Variants in AATK observed in about 807,000 individuals in gnomAD.
AATK encodes serine/threonine-protein kinase LMTK1.
In AATK, 91 loss-of-function variants were observed where a neutral mutation model predicts 114.3. The ratio of observed to expected loss-of-function variants is 0.80; its 90% CI spans 0.67 to 0.95. The LOEUF (loss-of-function observed/expected upper bound fraction) is 0.95. AATK is among the 40% of genes least tolerant of loss of function. The probability of loss-of-function intolerance (pLI) is 0.00; values close to 1 mark genes in which losing one functional copy is unlikely to be tolerated. For synonymous variants in AATK, 1,075 were observed against 916.5 expected (o/e 1.17, Z -3.12); for missense variants, 2,176 against 1,965.2 (o/e 1.11, Z -2.03).
At chr17:81,127,008 C>T (rs2060841903) in intron 6 of AATK, among the ~76,000 whole-genome samples, 1 of 150,010 alleles carries the variant, frequency 6.7e-6, no homozygotes, top group South Asian at 2.1e-4. Context: ...CCAGCCCAGC[C>T]ACAGACAGCC....
chr17:81,143,587 C>T (rs1214752866), intron 1 of AATK, among the ~76,000 whole-genome samples: 7 of 152,058 alleles, frequency 4.6e-5, no homozygotes, highest in African/African-American at 1.4e-4. Flanking sequence ...CCCCGCCTCC[C>T]GTGGCCACAC....
At chr17:81,165,577 T>A (rs1217700207) in intron 1 of AATK, 1 of 1,277,970 alleles carries the variant, frequency 7.8e-7, no homozygotes, top group Admixed American at 2.2e-5. Context: ...ATGGAAAGCC[T>A]GAACCCCAGC....
At chr17:81,144,894 C>T (rs1388456934) in intron 1 of AATK, among the ~76,000 whole-genome samples, 1 of 152,188 alleles carries the variant, frequency 6.6e-6, no homozygotes, top group Non-Finnish European at 1.5e-5. Context: ...ACAAACCCAC[C>T]AAAATCTGGG....
At chr17:81,132,460 G>A (rs1485550244) in intron 2 of AATK, among the ~76,000 whole-genome samples, 1 of 152,232 alleles carries the variant, frequency 6.6e-6, no homozygotes, top group Non-Finnish European at 1.5e-5. Context: ...GGAGCACACA[G>A]CCACTCAGGG....
At chr17:81,140,833 C>T (rs1368705808) in intron 1 of AATK, among the ~76,000 whole-genome samples, 1 of 61,786 alleles carries the variant, frequency 1.6e-5, no homozygotes, top group African/African-American at 7.3e-5. Context: ...GCCGGGAGAC[C>T]GTGGGGCCGT....
At chr17:81,140,758 GAGCCGT>G (rs2061115918) in intron 1 of AATK, among the ~76,000 whole-genome samples, 2 of 105,960 alleles carry the variant, frequency 1.9e-5, no homozygotes, top group Non-Finnish European at 4.1e-5. Flanking sequence ...GTGGGGCCGT[GAGCCGT>G]GGGGCTGTGG....
chr17:81,128,798 G>A lies in AATK; in HGVS notation c.335-249C>T, dbSNP rs113895723. The A allele has an allele frequency of 8.4e-3, 10,841 of 1,297,056 alleles. 87 individuals are homozygous for A. The highest frequency in any genetic ancestry group is 0.035 in the South Asian group (2,231 of 62,966). 80.3% of individuals were successfully genotyped at this position (1,297,056 alleles called of 1,614,324 possible). On this transcript the variant is annotated intron_variant, in intron 3 of 13. Coordinates refer to ENST00000326724, the MANE Select transcript of AATK (RefSeq NM_001080395.3). ...ATCTTTCTGGGTAGGTCTGGAGAAGGTGCCTGAAGCCACTGGGATAGCCCG... is the reference window on the plus strand; with the variant it reads ...ATCTTTCTGGGTAGGTCTGGAGAAGATGCCTGAAGCCACTGGGATAGCCCG...
Position 81,119,987 on chromosome 17 carries a change from TGGG to T in AATK, c.3829_3831del (p.Pro1277del), listed in dbSNP as rs1483413962. 1 of 1,446,262 alleles carries T rather than the reference TGGG, an allele frequency of 6.9e-7. No homozygotes were observed. Among genetic ancestry groups the T allele is most frequent in the Non-Finnish European group, 9.1e-7 (1 of 1,099,286 alleles). 89.6% of individuals were successfully genotyped at this position (1,446,262 alleles called of 1,614,324 possible). A position where few individuals can be genotyped will look rare whatever the true frequency, so the allele number is the denominator to read the frequency against. ...GAGCCATCAGCCTGCTGCGGCCGGT[TGGG>T]GGCGCTGGGAGAGCCGGGGCTCCCC... On this transcript the variant is annotated inframe_deletion, in exon 12 of 14. Transcript: ENST00000326724.
intron 1 of AATK, among the ~76,000 whole-genome samples, chr17:81,138,435 A>G (rs2061059139): frequency 8.0e-6 from 1 of 124,300 alleles, no homozygotes; most frequent in African/African-American, 3.1e-5. Flanking sequence ...ACACATGCAA[A>G]CACACCCACA....
At chr17:81,137,454 C>T (rs996102838) in intron 1 of AATK, among the ~76,000 whole-genome samples, 3 of 152,030 alleles carry the variant, frequency 2.0e-5, no homozygotes, top group Admixed American at 1.3e-4. Context: ...GGCCCACCTG[C>T]TCTCGGCCAC....
chr17:81,121,280 C>A lies in AATK; in HGVS notation c.2656G>T (p.Val886Leu). 6.2e-7 allele frequency: 1 copy of A among 1,611,392 alleles called. No homozygotes were observed. The change falls in exon 11 of 14, where the codon GTG (valine) becomes TTG (leucine). Residue 886 changes from valine (V) to leucine (L), a missense_variant. Transcript: ENST00000326724. ...TGCAGAGAGCGGAAGGCTGGCACCA[C>A]ATCCGGCCTCCTGGCCTGCAGGCCG... Reference protein sequence around the residue: ...SDGLQARRPDVVPAFRSLQKQ... With the variant: ...SDGLQARRPDLVPAFRSLQKQ...
Position 81,119,284 on chromosome 17 carries a change from G to C in AATK, c.4084+96C>G. ...AGCGGAGCGGAGCGGAGCCGGGGCT[G>C]GCCCGGCCCAGGACCTAGACGGAGG... On this transcript the variant is annotated intron_variant, in intron 13 of 13. Coordinates refer to ENST00000326724, the MANE Select transcript of AATK (RefSeq NM_001080395.3). 3.0e-6 allele frequency: 4 copies of C among 1,312,292 alleles called. No individual in the cohort carries two copies. In the South Asian group the frequency reaches 6.2e-5, roughly 20 times the overall value. 81.3% of individuals were successfully genotyped at this position (1,312,292 alleles called of 1,614,324 possible). A position where few individuals can be genotyped will look rare whatever the true frequency, so the allele number is the denominator to read the frequency against.
chr17:81,118,517 C>A, intron 13 of AATK, 75 bp from the exon 14 acceptor site: 1 of 1,505,180 alleles, frequency 6.6e-7, no homozygotes, highest in South Asian at 1.2e-5. Context: ...TCCCACCTGG[C>A]CTCCATCCCT....
At chr17:81,153,811 C>T (rs1431196081) in intron 1 of AATK, among the ~76,000 whole-genome samples, 1 of 152,204 alleles carries the variant, frequency 6.6e-6, no homozygotes, top group African/African-American at 2.4e-5. Flanking sequence ...CAGCTCACGC[C>T]TGTAATCCCA....
At chr17:81,159,352 G>A (rs745733739) in intron 1 of AATK, among the ~76,000 whole-genome samples, 20 of 152,198 alleles carry the variant, frequency 1.3e-4, no homozygotes, top group Admixed American at 3.3e-4. Context: ...GCGAGTGACC[G>A]GCCAGGTAGC....
chr17:81,135,288 T>G (rs2060993107), intron 1 of AATK, among the ~76,000 whole-genome samples: 1 of 152,174 alleles, frequency 6.6e-6, no homozygotes, highest in African/African-American at 2.4e-5. Flanking sequence ...GCTCGGTCCA[T>G]CTGCTGCCCA....
intron 1 of AATK, among the ~76,000 whole-genome samples, chr17:81,160,914 TC>T (rs1398013506): frequency 6.6e-6 from 1 of 152,014 alleles, no homozygotes; most frequent in Non-Finnish European, 1.5e-5. Context: ...ACCCTCTGCC[TC>T]CCCCGTGGAC....
rs752167516 is a variant in AATK, at chr17:81,127,643, C to T, written c.561G>A (p.Gln187=). The T allele has an allele frequency of 3.1e-6, 5 of 1,596,834 alleles. No homozygotes were observed. The change falls in exon 6 of 14, where the codon CAG becomes CAA. Residue 187 remains glutamine, a synonymous_variant. Coordinates refer to ENST00000326724, the MANE Select transcript of AATK (RefSeq NM_001080395.3). ...TCACCTCGGCGCACTGGGCCAGGCA[C>T]TGGAGCAGGTTGCTGTGCTTCAGGG... is the stretch of plus-strand genomic sequence containing the variant. ...YRALKHSNLL[Q]CLAQCAEVTP... is the part of the protein sequence containing the mutation.
chr17:81,146,058 G>A (rs59763245), intron 1 of AATK, among the ~76,000 whole-genome samples: 11,448 of 150,690 alleles, frequency 0.076, 508 homozygotes, highest in Middle Eastern at 0.1. Context: ...GCGTGGTGGC[G>A]GACACCTGTA....
Sources: allele counts gnomAD v4.1 joint callset (sites outside exome capture counted in the v4.1 genomes callset), GRCh38; gene constraint gnomAD v4.1.1; transcripts MANE v1.5; gene names NCBI Gene and HGNC (gene_info 2026-07-23, HGNC 2026-07-21).